Variants in CNTN5 observed in about 807,000 individuals in gnomAD.
CNTN5 encodes contactin 5, also known as contactin-5.
In CNTN5, 77 loss-of-function variants were observed where a neutral mutation model predicts 129.1. The observed-to-expected ratio is 0.60, with a 90% CI of 0.50 to 0.72. The LOEUF is 0.72. CNTN5 is among the 30% of genes least tolerant of loss of function. The probability of loss-of-function intolerance (pLI) is 0.00; values close to 1 mark genes in which losing one functional copy is unlikely to be tolerated. For synonymous variants in CNTN5, 509 were observed against 465.6 expected (o/e 1.09, Z -1.20); for missense variants, 1,478 against 1,328.8 (o/e 1.11, Z -1.75).
chr11:100,010,175 A>G (rs954791953), intron 9 of CNTN5, among the ~76,000 whole-genome samples: 1 of 152,156 alleles, frequency 6.6e-6, no homozygotes, highest in Non-Finnish European at 1.5e-5. Context: ...GCAGTATATA[A>G]TTAAACATTG....
intron 3 of CNTN5, among the ~76,000 whole-genome samples, chr11:99,745,518 C>G (rs1223290444): frequency 3.7e-4 from 1 of 2,684 alleles, no homozygotes; most frequent in African/African-American, 3.9e-4. Flanking sequence ...TATATGGCAG[C>G]CTTGTAAATA....
chr11:99,078,798 G>C (rs1485659446), intron 1 of CNTN5, among the ~76,000 whole-genome samples: 1 of 152,094 alleles, frequency 6.6e-6, no homozygotes, highest in African/African-American at 2.4e-5. Flanking sequence ...GCTGGGAAGG[G>C]AGTGAAATGG....
chr11:99,614,796 C>T (rs191359623), intron 3 of CNTN5, among the ~76,000 whole-genome samples: 17 of 152,156 alleles, frequency 1.1e-4, no homozygotes, highest in African/African-American at 3.9e-4. Context: ...TATTGTACCC[C>T]ACTTGATAAA....
At chr11:99,475,882 T>C (rs1230870401) in intron 2 of CNTN5, among the ~76,000 whole-genome samples, 3 of 152,056 alleles carry the variant, frequency 2.0e-5, no homozygotes, top group African/African-American at 7.2e-5. Flanking sequence ...ATTTGATGGC[T>C]GAAACAAATT....
At chr11:99,359,583 T>C (rs1938953299) in intron 2 of CNTN5, among the ~76,000 whole-genome samples, 1 of 149,788 alleles carries the variant, frequency 6.7e-6, no homozygotes, top group African/African-American at 2.4e-5. Flanking sequence ...ATTACCTTAT[T>C]ATATATGAAA....
chr11:99,595,982 C>T (rs1236582053), intron 3 of CNTN5, among the ~76,000 whole-genome samples: 1 of 152,078 alleles, frequency 6.6e-6, no homozygotes, highest in Non-Finnish European at 1.5e-5. Context: ...AATCTACAGA[C>T]TCCGAAATTT....
At chr11:100,050,685 G>C (rs1046429074) in intron 9 of CNTN5, among the ~76,000 whole-genome samples, 1 of 151,610 alleles carries the variant, frequency 6.6e-6, no homozygotes, top group Non-Finnish European at 1.5e-5. Context: ...CTATCTGCAA[G>C]AAAGCAACTT....
chr11:100,136,237 G>A (rs926545760), intron 13 of CNTN5, among the ~76,000 whole-genome samples: 2 of 131,286 alleles, frequency 1.5e-5, no homozygotes, highest in Non-Finnish European at 3.2e-5. Context: ...CCTTGAATAT[G>A]GTATTCAAGG....
At chr11:99,859,711 T>C (rs1051497886) in intron 6 of CNTN5, among the ~76,000 whole-genome samples, 20 of 152,204 alleles carry the variant, frequency 1.3e-4, no homozygotes, top group African/African-American at 4.6e-4. Flanking sequence ...TAGTATTCCA[T>C]AGTATATGTG....
chr11:100,271,782 A>G (rs1170436779), intron 18 of CNTN5, among the ~76,000 whole-genome samples: 1 of 152,206 alleles, frequency 6.6e-6, no homozygotes, highest in African/African-American at 2.4e-5. Context: ...AAAACATTAC[A>G]TTATTCTCAG....
At chr11:99,796,520 C>G (rs1253240870) in intron 3 of CNTN5, among the ~76,000 whole-genome samples, 2 of 152,036 alleles carry the variant, frequency 1.3e-5, no homozygotes, top group African/African-American at 4.8e-5. Flanking sequence ...GTCCGATGGT[C>G]AGGTGCAGTC....
At chr11:99,323,262 A>C (rs545661779) in intron 1 of CNTN5, among the ~76,000 whole-genome samples, 1 of 152,304 alleles carries the variant, frequency 6.6e-6, no homozygotes, top group African/African-American at 2.4e-5. Context: ...GTAGAAACTT[A>C]AAGAAGTCTG....
chr11:99,556,255 C>T lies in CNTN5; in HGVS notation c.41C>T (p.Thr14Ile), dbSNP rs1017792934. ...AAACTAATGCTGTTTCTGTCAGTCA[C>T]CATGTGTCTTTCAGGTAAAAGTCCT... ...SWKLMLFLSVTMCLSEYSKSL... is the reference protein window; with the variant it reads ...SWKLMLFLSVIMCLSEYSKSL... The change falls in exon 3 of 25, where the codon ACC becomes ATC. Residue 14 changes from threonine (T) to isoleucine (I), a missense_variant. Physicochemically the swap from Thr to Ile is moderately conservative, Grantham distance 89 (BLOSUM62 -1). Transcript: ENST00000524871. The T allele has an allele frequency of 2.0e-6, 3 of 1,525,726 alleles. No homozygotes were observed. The highest frequency in any genetic ancestry group is 2.7e-6 in the Non-Finnish European group (3 of 1,130,214). 94.5% of individuals were successfully genotyped at this position (1,525,726 alleles called of 1,614,324 possible). A position where few individuals can be genotyped will look rare whatever the true frequency, so the allele number is the denominator to read the frequency against.
intron 2 of CNTN5, among the ~76,000 whole-genome samples, chr11:99,469,838 G>T (rs11220071): frequency 0.26 from 40,153 of 151,828 alleles, 5,716 homozygotes; most frequent in East Asian, 0.41. Context: ...TACTCTTACT[G>T]GAAGTGATAA....
intron 1 of CNTN5, among the ~76,000 whole-genome samples, chr11:99,286,642 C>G (rs941653134): frequency 6.6e-6 from 1 of 151,962 alleles, no homozygotes; most frequent in African/African-American, 2.4e-5. Flanking sequence ...ACAAAAGAAG[C>G]CTAATGTTTA....
At position 99,752,583 on chromosome 11, in the gene CNTN5, C is replaced by T. The variant is rs1218267261; in HGVS notation, c.56-66961C>T. Among the ~76,000 whole-genome samples the T allele has an allele frequency of 2.6e-5, 4 of 152,224 alleles. No individual in the cohort carries two copies. The East Asian group carries it at 5.8e-4, about 22-fold the overall frequency. ...TTGTGTTTTGTATATAGGTTCTTGA[C>T]TTACTAACTATATTCACTGTTTTCC... On this transcript the variant is annotated intron_variant, in intron 3 of 24. Transcript: ENST00000524871.
chr11:100,347,989 T>A (rs911709090), intron 23 of CNTN5, among the ~76,000 whole-genome samples: 1 of 152,056 alleles, frequency 6.6e-6, no homozygotes, highest in South Asian at 2.1e-4. Context: ...CCTTTGAGAA[T>A]AGCAATACCA....
At chr11:99,532,848 G>A (rs1257165719) in intron 2 of CNTN5, among the ~76,000 whole-genome samples, 1 of 152,174 alleles carries the variant, frequency 6.6e-6, no homozygotes. Flanking sequence ...TATCAGCAGT[G>A]TGAAAATGGA....
At chr11:99,930,953 T>A (rs1296539440) in intron 7 of CNTN5, among the ~76,000 whole-genome samples, 1 of 152,196 alleles carries the variant, frequency 6.6e-6, no homozygotes, top group Non-Finnish European at 1.5e-5. Context: ...TATTTATTTT[T>A]ATTATATCAT....
Sources: gnomAD v4.1 joint callset for allele counts (sites outside exome capture counted in the v4.1 genomes callset) on GRCh38, gnomAD v4.1.1 for gene constraint, MANE v1.5 for transcripts, NCBI Gene and HGNC (gene_info 2026-07-23, HGNC 2026-07-21) for gene names.